Variants in TUSC3 observed in about 807,000 individuals in gnomAD.
TUSC3 encodes the protein dolichyl-diphosphooligosaccharide--protein glycosyltransferase subunit TUSC3.
In TUSC3, 45 loss-of-function variants were observed where a neutral mutation model predicts 44.8. That is an observed-to-expected ratio of 1.00 (90% CI 0.79 to 1.29). The LOEUF is 1.29. TUSC3 is among the 50% of genes most tolerant of loss of function. The pLI is 0.00. For missense variants in TUSC3, 519 were observed against 437.9 expected (o/e 1.19, Z -1.65); for synonymous variants, 212 against 152.9 (o/e 1.39, Z -2.85).
chr8:15,586,894 C>T, intron 1 of TUSC3, among the ~76,000 whole-genome samples: 1 of 152,024 alleles, frequency 6.6e-6, no homozygotes, highest in Non-Finnish European at 1.5e-5. Flanking sequence ...ATTCTTGGGC[C>T]CCACTGACCT....
At chr8:15,490,685 A>G (rs1800796769) in intron 2 of TUSC3, among the ~76,000 whole-genome samples, 1 of 152,220 alleles carries the variant, frequency 6.6e-6, no homozygotes, top group Non-Finnish European at 1.5e-5. Flanking sequence ...TGACAAACAA[A>G]TCATTTCCTT....
At chr8:15,494,321 T>G (rs544306723) in intron 2 of TUSC3, among the ~76,000 whole-genome samples, 1 of 14,874 alleles carries the variant, frequency 6.7e-5, no homozygotes, top group South Asian at 2.8e-3. Context: ...TCTCATCTTC[T>G]TTTTTTTTTT....
At chr8:15,525,298 T>A (rs1801358838) in intron 2 of TUSC3, among the ~76,000 whole-genome samples, 1 of 152,066 alleles carries the variant, frequency 6.6e-6, no homozygotes, top group Admixed American at 6.5e-5. Flanking sequence ...CTTTCTGGTT[T>A]GCTGGCTCTC....
At chr8:15,423,437 C>T (rs947680303) in intron 1 of TUSC3, among the ~76,000 whole-genome samples, 2 of 152,122 alleles carry the variant, frequency 1.3e-5, no homozygotes, top group African/African-American at 2.4e-5. Context: ...ATAAGTCTGT[C>T]GTAAGTTCAG....
intron 1 of TUSC3, among the ~76,000 whole-genome samples, chr8:15,453,447 A>G (rs1800218728): frequency 6.6e-6 from 1 of 152,216 alleles, no homozygotes; most frequent in African/African-American, 2.4e-5. Flanking sequence ...GCATCTTTAA[A>G]TAAAAAACGG....
intron 1 of TUSC3, among the ~76,000 whole-genome samples, chr8:15,472,694 T>G (rs749807365): frequency 6.6e-6 from 1 of 152,204 alleles, no homozygotes; most frequent in African/African-American, 2.4e-5. Context: ...TCCCCAGTCT[T>G]GCACTAGAAA....
At chr8:15,757,727 G>A in intron 9 of TUSC3, 64 bp from the exon 10 acceptor site, 5 of 1,473,930 alleles carry the variant, frequency 3.4e-6, no homozygotes, top group East Asian at 4.5e-5. Context: ...TTGTACAAAT[G>A]GAAATTCAAT....
At chr8:15,483,649 A>ATTTTTTTTTTTGTTTTTTTTT (rs1800694701) in intron 2 of TUSC3, among the ~76,000 whole-genome samples, 1 of 66,166 alleles carries the variant, frequency 1.5e-5, no homozygotes, top group Non-Finnish European at 2.8e-5. Flanking sequence ...TAGCACTGTG[A>ATTTTTTTTTTTGTTTTTTTTT]TTTTTTTTTT....
In TUSC3 at chr8:15,540,328, G is replaced by T; in HGVS notation, c.-103G>T. On this transcript the variant is annotated 5_prime_UTR_variant, in exon 1 of 11. Coordinates refer to ENST00000503731, the MANE Select transcript of TUSC3 (RefSeq NM_006765.4). ...CGCAAAGCCGCTGCCATCCCGGAGG[G>T]CCCAGCCAGCGGGCTCCCGGAGGCT... 7.3e-7 allele frequency: 1 copy of T among 1,365,576 alleles called. No homozygotes were observed. The highest frequency in any genetic ancestry group is 9.4e-7 in the Non-Finnish European group (1 of 1,059,276). The allele number at this position is 1,365,576 out of a possible 1,614,324, so 84.6% of individuals were successfully genotyped here.
the TUSC3 span, among the ~76,000 whole-genome samples, chr8:15,849,744 A>C: frequency 0.66 from 100,494 of 151,842 alleles, 34,220 homozygotes; most frequent in Non-Finnish European, 0.75. Context: ...ACTCAGTGAC[A>C]ATGCTTTCTG....
intron 1 of TUSC3, among the ~76,000 whole-genome samples, chr8:15,450,136 A>T (rs961905430): frequency 2.0e-5 from 3 of 152,150 alleles, no homozygotes; most frequent in African/African-American, 4.8e-5. Context: ...AAACATGTAT[A>T]AAAAAAGTGT....
intron 4 of TUSC3, among the ~76,000 whole-genome samples, chr8:15,660,410 G>C (rs527819564): frequency 1.3e-5 from 2 of 152,072 alleles, no homozygotes; most frequent in East Asian, 1.9e-4. Flanking sequence ...TATGAGTATA[G>C]ATTGACATAG....
At chr8:15,419,799 C>G (rs964506788) in intron 1 of TUSC3, among the ~76,000 whole-genome samples, 1 of 152,132 alleles carries the variant, frequency 6.6e-6, no homozygotes, top group Non-Finnish European at 1.5e-5. Context: ...TTAGCTATTT[C>G]TCAGCCCATT....
In TUSC3 at chr8:15,423,965, C is replaced by CTTTGTT. The variant is rs1563247120; in HGVS notation, n.91+6664_91+6669dup. On this transcript the variant is annotated intron_variant and non_coding_transcript_variant, in intron 1 of 5. Transcript: ENST00000503191. Reference sequence around the variant, plus strand: ...CTCTTACAGCATTCATACTGTTTTGCTTTGTTTTTTTTTTTTTTTTTTTTT... The same window carrying CTTTGTT: ...CTCTTACAGCATTCATACTGTTTTGCTTTGTTTTTGTTTTTTTTTTTTTTTTTTTTT... Among the ~76,000 whole-genome samples the CTTTGTT allele has an allele frequency of 3.3e-4, 4 of 12,042 alleles. No homozygotes were observed. The East Asian group carries it at 5.2e-3, about 16-fold the overall frequency. The allele number at this position is 12,042 out of a possible 152,430, so 7.9% of individuals were successfully genotyped here. A position where few individuals can be genotyped will look rare whatever the true frequency, so the allele number is the denominator to read the frequency against.
chr8:15,781,102 C>T, the TUSC3 span, among the ~76,000 whole-genome samples: 1 of 152,192 alleles, frequency 6.6e-6, no homozygotes, highest in African/African-American at 2.4e-5. Context: ...CCTGAGTGTT[C>T]TTTCCCAGGT....
At chr8:15,751,639 TTGTC>T (rs1339756772) in intron 9 of TUSC3, among the ~76,000 whole-genome samples, 2 of 151,922 alleles carry the variant, frequency 1.3e-5, no homozygotes, top group Non-Finnish European at 2.9e-5. Flanking sequence ...TGTAAATTAA[TTGTC>T]TGTTTCTTAG....
At chr8:15,477,997 G>T (rs1800604685) in intron 1 of TUSC3, among the ~76,000 whole-genome samples, 1 of 151,884 alleles carries the variant, frequency 6.6e-6, no homozygotes, top group Admixed American at 6.6e-5. Flanking sequence ...TCGTTCTGTT[G>T]CCCAGGCTAG....
the TUSC3 span, among the ~76,000 whole-genome samples, chr8:15,839,987 T>A: frequency 5.9e-5 from 9 of 152,108 alleles, no homozygotes; most frequent in Non-Finnish European, 1.2e-4. Flanking sequence ...CAAATGTCCA[T>A]CAATGATAGA....
At chr8:15,482,273 A>T (rs971801133) in intron 1 of TUSC3, among the ~76,000 whole-genome samples, 1 of 152,138 alleles carries the variant, frequency 6.6e-6, no homozygotes, top group Non-Finnish European at 1.5e-5. Context: ...GAGCCCCTCA[A>T]TGTCATGTGT....
Sources: allele counts gnomAD v4.1 joint callset (sites outside exome capture counted in the v4.1 genomes callset), GRCh38; gene constraint gnomAD v4.1.1; transcripts MANE v1.5; gene names NCBI Gene and HGNC (gene_info 2026-07-23, HGNC 2026-07-21).